UTP20: variants seen among roughly 807,000 people sequenced by gnomAD.
UTP20 encodes the protein small subunit processome component 20 homolog.
Under a neutral mutation model 329.5 loss-of-function variants are expected in UTP20, and 164 were observed. The observed-to-expected ratio is 0.50, with a 90% confidence interval of 0.44 to 0.57. The LOEUF (loss-of-function observed/expected upper bound fraction) is 0.57. Among genes scored for constraint, UTP20 ranks in the 20% least tolerant of loss-of-function variants. The pLI is 0.00. For synonymous variants in UTP20, 1,151 were observed against 1,159.3 expected, an observed-to-expected ratio of 0.99 and a Z score of 0.14; for missense variants, 3,055 against 3,284.2, an observed-to-expected ratio of 0.93 and a Z score of 1.71.
intron 17 of UTP20, 148 bp downstream of exon 17, chr12:101,306,909 C>T (rs895243819): frequency 8.2e-5 from 59 of 722,052 alleles, no homozygotes; most frequent in Middle Eastern, 9.0e-4. Context: ...CGCGGTGGCT[C>T]ACGCCTGTAA....
rs1464476526 is a variant in UTP20, at chr12:101,358,763, G to A, written c.5691+1681G>A. Among the ~76,000 whole-genome samples the A allele has an allele frequency of 5.3e-5, 8 of 151,804 alleles. No individual in the cohort carries two copies. The East Asian group carries it at 1.6e-3, about 29-fold the overall frequency. ...TTTTTTCCCACATCAGGCAGATAAT[G>A]CCCAACTGTTGTAACAAGGTTGAGG... is the stretch of plus-strand genomic sequence containing the variant. On this transcript the variant is annotated intron_variant, in intron 43 of 61. Coordinates refer to ENST00000261637, the MANE Select transcript of UTP20 (RefSeq NM_014503.3).
intron 25 of UTP20, among the ~76,000 whole-genome samples, chr12:101,324,484 G>T (rs973568383): frequency 2.0e-4 from 30 of 152,044 alleles, no homozygotes; most frequent in African/African-American, 6.8e-4. Flanking sequence ...GTCCCGGCTG[G>T]TCTCAAAACT....
At chr12:101,305,852 A>T in intron 15 of UTP20, 63 bp from the exon 16 acceptor site, 15 of 1,408,518 alleles carry the variant, frequency 1.1e-5, no homozygotes, top group Non-Finnish European at 1.3e-5. Context: ...TGTGGCTTAT[A>T]CTATAGTCTA....
At chr12:101,378,264 G>C (rs1870538132) in intron 56 of UTP20, among the ~76,000 whole-genome samples, 1 of 152,072 alleles carries the variant, frequency 6.6e-6, no homozygotes. Flanking sequence ...ATTGTTATGA[G>C]GTCTAAATGA....
rs559632717 is a variant in UTP20, at chr12:101,292,693, G to T, written c.1174-475G>T. Among the ~76,000 whole-genome samples the T allele has an allele frequency of 8.5e-5, 13 of 152,282 alleles. No individual in the cohort carries two copies. In the Middle Eastern group the frequency reaches 0.01, roughly 120 times the overall value. On this transcript the variant is annotated intron_variant, in intron 10 of 61. Transcript: ENST00000261637. ...GTTCATAAATGTTTGCAGTCTGAGC[G>T]CATGGACACATGATATGACATGATA...
intron 19 of UTP20, among the ~76,000 whole-genome samples, chr12:101,311,229 A>G (rs552583252): frequency 6.6e-6 from 1 of 152,250 alleles, no homozygotes; most frequent in South Asian, 2.1e-4. Flanking sequence ...AAACTACATA[A>G]GCACTTTATG....
chr12:101,290,419 A>C (rs75142409), intron 7 of UTP20, 145 bp downstream of exon 7: 1 of 1,018,058 alleles, frequency 9.8e-7, no homozygotes, highest in Non-Finnish European at 1.4e-6. Flanking sequence ...AACAATGCTT[A>C]CCCAATGTAG....
chr12:101,287,924 G>C (rs1057346153), intron 5 of UTP20, among the ~76,000 whole-genome samples: 4 of 152,214 alleles, frequency 2.6e-5, no homozygotes, highest in African/African-American at 9.6e-5. Context: ...CCTGTATAAG[G>C]GTGAGACTAG....
intron 25 of UTP20, chr12:101,326,786 A>T: frequency 5.1e-6 from 1 of 195,914 alleles, no homozygotes; most frequent in Non-Finnish European, 1.0e-5. Context: ...ACGTGGTCTC[A>T]CTAAGTTGCC....
At chr12:101,329,207 C>G (rs1409509718) in intron 26 of UTP20, 34 bp from the exon 27 acceptor site, 1 of 1,562,896 alleles carries the variant, frequency 6.4e-7, no homozygotes, top group Non-Finnish European at 8.8e-7. Context: ...AATATGTTAC[C>G]TTACATGACC....
intron 8 of UTP20, 36 bp from the exon 9 acceptor site, chr12:101,291,706 A>G: frequency 1.3e-6 from 2 of 1,518,042 alleles, no homozygotes; most frequent in Non-Finnish European, 1.8e-6. Flanking sequence ...TGAGTTTGAT[A>G]CTTTATATTC....
chr12:101,317,823 C>G (rs1162021145), intron 22 of UTP20, among the ~76,000 whole-genome samples, 160 bp downstream of exon 22: 1 of 152,182 alleles, frequency 6.6e-6, no homozygotes, highest in Non-Finnish European at 1.5e-5. Context: ...TGTCAGGCTT[C>G]CAAGTTTTTT....
Position 101,362,947 on chromosome 12 carries a change from A to G in UTP20, c.5791-629A>G, listed in dbSNP as rs769079422. On this transcript the variant is annotated intron_variant, in intron 44 of 61. Coordinates refer to ENST00000261637, the MANE Select transcript of UTP20 (RefSeq NM_014503.3). ...CAGGAGTTTGAGACCAGCCTGTGCT[A>G]CATGGTGAAACCCCATCTCTGCTAA... Among the ~76,000 whole-genome samples the G allele has an allele frequency of 4.8e-4, 63 of 132,238 alleles. 6 individuals are homozygous for G. The highest frequency in any genetic ancestry group is 7.5e-4 in the Non-Finnish European group (51 of 67,870). The allele number at this position is 132,238 out of a possible 152,430, so 86.8% of individuals were successfully genotyped here. A position where few individuals can be genotyped will look rare whatever the true frequency, so the allele number is the denominator to read the frequency against.
intron 18 of UTP20, 61 bp downstream of exon 18, chr12:101,308,404 A>C: frequency 8.3e-7 from 1 of 1,207,612 alleles, no homozygotes; most frequent in Non-Finnish European, 1.1e-6. Flanking sequence ...TGTTTGGGGA[A>C]GCACATCAAG....
chr12:101,353,385 A>G (rs1869603803), intron 40 of UTP20, among the ~76,000 whole-genome samples: 1 of 152,236 alleles, frequency 6.6e-6, no homozygotes, highest in South Asian at 2.1e-4. Context: ...TAGAAATCCA[A>G]TTTTATCACC....
chr12:101,297,271 A>G (rs1872387311), intron 12 of UTP20, among the ~76,000 whole-genome samples: 1 of 152,184 alleles, frequency 6.6e-6, no homozygotes, highest in East Asian at 1.9e-4. Context: ...GCCGGAGTGC[A>G]GTGGCACAAT....
chr12:101,301,290 C>T (rs948936841), intron 14 of UTP20, among the ~76,000 whole-genome samples: 1 of 151,990 alleles, frequency 6.6e-6, no homozygotes, highest in Admixed American at 6.6e-5. Flanking sequence ...GAGGCTGAGG[C>T]GGGAGGATCA....
chr12:101,337,939 A>G (rs974397256), intron 29 of UTP20, 112 bp from the exon 30 acceptor site: 3 of 951,426 alleles, frequency 3.2e-6, no homozygotes, highest in Non-Finnish European at 4.7e-6. Flanking sequence ...CCTTTGAATA[A>G]TCTTATTAAT....
rs773537574 is a variant in UTP20 at position 101,338,102 on chromosome 12, C to T, written c.3693C>T (p.Ile1231=). Residue 1231 remains isoleucine (I), a synonymous_variant, in exon 30 of 62, where the codon ATC becomes ATT. Transcript: ENST00000261637. The stretch of plus-strand genomic sequence containing the variant: ...AGCCTGGGCACCCAGAATGTGATAT[C>T]CTGACCAATGTTTTTGCAATTCTCT... The part of the protein sequence containing the change: ...KQKPGHPECD[I]LTNVFAILSA... The T allele has an allele frequency of 6.2e-7, 1 of 1,614,138 alleles. No homozygotes were observed. Among genetic ancestry groups the T allele is most frequent in the Non-Finnish European group, 8.5e-7 (1 of 1,180,018 alleles).
Sources: allele counts gnomAD v4.1 joint callset (sites outside exome capture counted in the v4.1 genomes callset), GRCh38; gene constraint gnomAD v4.1.1; transcripts MANE v1.5; gene names NCBI Gene and HGNC (gene_info 2026-07-23, HGNC 2026-07-21).